NAV2: variants seen among roughly 807,000 people sequenced by gnomAD.
NAV2 encodes neuron navigator 2, also known as helicase, APC down-regulated 1.
In NAV2, 54 loss-of-function variants were observed where a neutral mutation model predicts 223.2. The ratio of observed to expected loss-of-function variants is 0.24; its 90% CI spans 0.19 to 0.30. The LOEUF (loss-of-function observed/expected upper bound fraction) is 0.30, where lower values mean the gene tolerates loss of function less well. Ranked by LOEUF, NAV2 falls within the 10% of genes least tolerant of loss-of-function variation. The pLI, the probability that NAV2 is intolerant of heterozygous loss-of-function variation, is 1.00. For synonymous variants in NAV2, 1,279 were observed against 1,239.3 expected, an observed-to-expected ratio of 1.03 and a Z score of -0.67; for missense variants, 2,806 against 3,147.5, an observed-to-expected ratio of 0.89 and a Z score of 2.60.
At chr11:19,914,010 C>T (rs1461397539) in intron 6 of NAV2, among the ~76,000 whole-genome samples, 1 of 152,202 alleles carries the variant, frequency 6.6e-6, no homozygotes, top group Non-Finnish European at 1.5e-5. Context: ...GGAGTCAGCT[C>T]CTACTAGCAC....
At position 19,646,703 on chromosome 11, in the gene NAV2, C is replaced by T. The variant is rs553164884; in HGVS notation, c.76-185781C>T. Among the ~76,000 whole-genome samples the T allele has an allele frequency of 6.6e-5, 10 of 152,226 alleles. 1 individual carries two copies. Among genetic ancestry groups the T allele is most frequent in the East Asian group, 3.9e-4 (2 of 5,168 alleles). ...CAACAATTTTCAAATAGCATCTATA[C>T]TCCAGGCACTGAGCTAGATGCTTTA... On this transcript the variant is annotated intron_variant, in intron 1 of 37. Transcript: ENST00000360655.
At chr11:19,841,823 T>C (rs2060529189) in intron 2 of NAV2, among the ~76,000 whole-genome samples, 2 of 152,210 alleles carry the variant, frequency 1.3e-5, no homozygotes, top group African/African-American at 4.8e-5. Context: ...ATACGTATTA[T>C]TGGGTTCATG....
chr11:19,409,688 C>T (rs1850057149), intron 1 of NAV2, among the ~76,000 whole-genome samples: 2 of 152,144 alleles, frequency 1.3e-5, no homozygotes, highest in Non-Finnish European at 2.9e-5. Context: ...CAGGATTCAC[C>T]TTCACTATTT....
intron 1 of NAV2, among the ~76,000 whole-genome samples, chr11:19,732,134 T>C (rs2051836511): frequency 6.6e-6 from 1 of 152,000 alleles, no homozygotes; most frequent in African/African-American, 2.4e-5. Context: ...GCACTTGTAG[T>C]CAGTCTCCCT....
intron 1 of NAV2, among the ~76,000 whole-genome samples, chr11:19,542,957 G>A (rs534472408): frequency 2.0e-5 from 3 of 152,194 alleles, no homozygotes; most frequent in Admixed American, 6.5e-5. Flanking sequence ...GATGAAGCCC[G>A]TTTCCCTTTA....
In NAV2 at chr11:20,114,665, CACA is replaced by C; in HGVS notation, c.7038_7040del (p.Gln2347del). The C allele has an allele frequency of 1.2e-6, 2 of 1,614,148 alleles. No individual in the cohort carries two copies. The highest frequency in any genetic ancestry group is 8.5e-7 in the Non-Finnish European group (1 of 1,180,032). On this transcript the variant is annotated inframe_deletion, in exon 37 of 38. Coordinates refer to ENST00000349880, the MANE Select transcript of NAV2 (RefSeq NM_145117.5). ...GACACATATCCATGGGCAGCCAGCC[CACA>C]ACAGCACGAGTGGCCTCCCCTGCTG...
At chr11:19,616,532 T>C (rs1178430236) in intron 1 of NAV2, among the ~76,000 whole-genome samples, 1 of 152,010 alleles carries the variant, frequency 6.6e-6, no homozygotes, top group Non-Finnish European at 1.5e-5. Context: ...GGAGAGGGAA[T>C]GTTTAGTCTG....
At chr11:19,506,769 A>AC (rs2043135157) in intron 1 of NAV2, 1 of 152,282 alleles carries the variant, frequency 6.6e-6, no homozygotes, top group African/African-American at 2.4e-5. Flanking sequence ...AGAAAATGCC[A>AC]CCCAGAAAGG....
chr11:20,041,316 T>A (rs1416547247), intron 12 of NAV2, among the ~76,000 whole-genome samples: 1 of 152,208 alleles, frequency 6.6e-6, no homozygotes, highest in African/African-American at 2.4e-5. Context: ...GGAAATTTTC[T>A]TTTCACTGTT....
intron 11 of NAV2, among the ~76,000 whole-genome samples, chr11:20,032,765 G>A (rs2055904605): frequency 6.6e-6 from 1 of 152,208 alleles, no homozygotes; most frequent in Non-Finnish European, 1.5e-5. Context: ...TGGGCAGGGA[G>A]CTGGGCTTAG....
chr11:19,651,392 G>T (rs2047964695), intron 1 of NAV2, among the ~76,000 whole-genome samples: 1 of 152,234 alleles, frequency 6.6e-6, no homozygotes, highest in Admixed American at 6.5e-5. Context: ...ACAGAGGCAT[G>T]GAGAATTTCA....
intron 6 of NAV2, among the ~76,000 whole-genome samples, chr11:19,904,710 C>A (rs2042726879): frequency 6.6e-6 from 1 of 152,132 alleles, no homozygotes; most frequent in South Asian, 2.1e-4. Context: ...GGGAGGCAAA[C>A]TTTGGCTCCA....
At chr11:20,041,247 G>T (rs2056893218) in intron 12 of NAV2, among the ~76,000 whole-genome samples, 1 of 152,134 alleles carries the variant, frequency 6.6e-6, no homozygotes, top group Non-Finnish European at 1.5e-5. Context: ...TAAAATGTGG[G>T]CTCTGCAGTT....
At chr11:19,527,905 A>T (rs964174232) in intron 1 of NAV2, among the ~76,000 whole-genome samples, 1 of 147,240 alleles carries the variant, frequency 6.8e-6, no homozygotes, top group Non-Finnish European at 1.5e-5. Flanking sequence ...TTGAGGGTGC[A>T]GCCAAGTCAC....
chr11:19,473,079 C>A (rs887469130), intron 1 of NAV2, among the ~76,000 whole-genome samples: 14 of 152,206 alleles, frequency 9.2e-5, no homozygotes, highest in African/African-American at 2.9e-4. Context: ...GTTCAGAGCT[C>A]TGCCTCAGAC....
At chr11:19,348,226 G>T (rs993965537), upstream of NAV2, among the ~76,000 whole-genome samples, 5 of 152,226 alleles carry the variant, frequency 3.3e-5, no homozygotes, top group African/African-American at 7.2e-5. Context: ...GGCACAGAGT[G>T]CAGAGCTGTT....
intron 6 of NAV2, among the ~76,000 whole-genome samples, chr11:19,900,608 C>A (rs531170015): frequency 1.3e-5 from 2 of 152,162 alleles, no homozygotes; most frequent in East Asian, 3.9e-4. Flanking sequence ...GTCACATACC[C>A]CAAGGGAGTA....
chr11:19,679,260 A>C (rs1472141456), intron 1 of NAV2, among the ~76,000 whole-genome samples: 2 of 151,996 alleles, frequency 1.3e-5, no homozygotes, highest in East Asian at 3.9e-4. Context: ...GTGAAACCCT[A>C]TCTCTACTAA....
chr11:19,714,830 C>A (rs1189424147), intron 1 of NAV2, among the ~76,000 whole-genome samples: 2 of 152,220 alleles, frequency 1.3e-5, no homozygotes, highest in Non-Finnish European at 2.9e-5. Context: ...CAATCAGGTT[C>A]TCTTGGTCCT....
Sources: gnomAD v4.1 joint callset for allele counts (sites outside exome capture counted in the v4.1 genomes callset) on GRCh38, gnomAD v4.1.1 for gene constraint, MANE v1.5 for transcripts, NCBI Gene and HGNC (gene_info 2026-07-23, HGNC 2026-07-21) for gene names.